RANBP10: variants seen among roughly 807,000 people sequenced by gnomAD.
The protein encoded by RANBP10 is RAN binding protein 10, also known as ran-binding protein 10.
Under a neutral mutation model 72.8 loss-of-function variants are expected in RANBP10, and 24 were observed. That is an observed-to-expected ratio of 0.33 (90% CI 0.24 to 0.46). RANBP10 has a LOEUF of 0.46. RANBP10 is among the 20% of genes least tolerant of loss of function. The pLI, the probability that RANBP10 is intolerant of heterozygous loss-of-function variation, is 1.00. For synonymous variants in RANBP10, 310 were observed against 322.3 expected (o/e 0.96, Z 0.41); for missense variants, 679 against 817.5 (o/e 0.83, Z 2.07).
intron 2 of RANBP10, among the ~76,000 whole-genome samples, chr16:67,803,848 AAAAG>A (rs1327865426): frequency 1.3e-5 from 2 of 150,524 alleles, no homozygotes; most frequent in East Asian, 3.9e-4. Context: ...AAAAAAAAAA[AAAAG>A]AGAGAGAGAG....
At chr16:67,800,490 C>T (rs568634060) in intron 2 of RANBP10, among the ~76,000 whole-genome samples, 162 of 152,312 alleles carry the variant, frequency 1.1e-3, no homozygotes, top group South Asian at 1.9e-3. Context: ...CACTAAGAGC[C>T]AGGGACACCC....
At chr16:67,754,834 G>A (rs993712818) in intron 3 of RANBP10, among the ~76,000 whole-genome samples, 6 of 152,096 alleles carry the variant, frequency 3.9e-5, no homozygotes, top group African/African-American at 7.2e-5. Context: ...CTCAGACCTC[G>A]GACCCTGGTT....
chr16:67,791,461 C>T (rs1035076334), intron 2 of RANBP10, among the ~76,000 whole-genome samples: 3 of 152,158 alleles, frequency 2.0e-5, no homozygotes, highest in African/African-American at 7.2e-5. Context: ...TCCCTACACC[C>T]ACAGGGCTCT....
In RANBP10 at chr16:67,744,460, G is replaced by T. The variant is rs760050214; in HGVS notation, c.401-5C>A. On this transcript the variant is annotated splice_polypyrimidine_tract_variant and splice_region_variant and intron_variant, in intron 3 of 13. Transcript: ENST00000317506. ...CATAGGAATGTTTGTCCCAACCTGT[G>T]GGGGAAGAGAGCAGCAATAACTGAG... 1 of 1,610,798 alleles carries T rather than the reference G, an allele frequency of 6.2e-7. No individual in the cohort carries two copies. The highest frequency in any genetic ancestry group is 1.7e-5 in the Admixed American group (1 of 59,692).
chr16:67,803,061 T>C (rs1366018351), intron 2 of RANBP10, among the ~76,000 whole-genome samples: 2 of 152,184 alleles, frequency 1.3e-5, no homozygotes, highest in African/African-American at 4.8e-5. Context: ...AGCACCACCA[T>C]TTTAGTCAAC....
intron 3 of RANBP10, among the ~76,000 whole-genome samples, chr16:67,761,202 A>G (rs576006598): frequency 6.6e-6 from 1 of 152,370 alleles, no homozygotes; most frequent in African/African-American, 2.4e-5. Flanking sequence ...CTTCCAGCAG[A>G]AACCTCTGAC....
chr16:67,746,023 G>A (rs1421850972), intron 3 of RANBP10, among the ~76,000 whole-genome samples: 1 of 152,032 alleles, frequency 6.6e-6, no homozygotes, highest in Non-Finnish European at 1.5e-5. Flanking sequence ...GGGCATGGTG[G>A]TGCATGCCTA....
chr16:67,737,471 G>C (rs2053876227), intron 5 of RANBP10, among the ~76,000 whole-genome samples: 1 of 151,468 alleles, frequency 6.6e-6, no homozygotes, highest in Non-Finnish European at 1.5e-5. Flanking sequence ...CAAAGTGCTG[G>C]GATTACAGGT....
At chr16:67,738,166 T>G in intron 4 of RANBP10, 131 bp from the exon 5 acceptor site, 1 of 1,041,702 alleles carries the variant, frequency 9.6e-7, no homozygotes. Flanking sequence ...TGAGACAGAG[T>G]CTCCCTCCGT....
chr16:67,763,173 A>C lies in RANBP10; in HGVS notation c.400+8861T>G, dbSNP rs553124396. Among the ~76,000 whole-genome samples, 4 of 152,274 alleles carry C rather than the reference A, an allele frequency of 2.6e-5. No homozygotes were observed. In the South Asian group the frequency reaches 8.3e-4, roughly 32 times the overall value. On this transcript the variant is annotated intron_variant, in intron 3 of 13. Coordinates refer to ENST00000317506, the MANE Select transcript of RANBP10 (RefSeq NM_020850.3). ...GAGGAGTCAGAGGCCCAAAGCAGGG[A>C]AGGGGCACAGTGCATACAGAGAGGA...
chr16:67,790,381 G>A (rs2055001826), intron 2 of RANBP10, among the ~76,000 whole-genome samples: 1 of 151,748 alleles, frequency 6.6e-6, no homozygotes, highest in Non-Finnish European at 1.5e-5. Flanking sequence ...ACAGTGATAT[G>A]GTGATGGTTG....
In RANBP10 at chr16:67,734,929, G is replaced by A. The variant is rs963638394; in HGVS notation, c.705C>T (p.Ala235=). The change falls in exon 6 of 14, where the codon GCC becomes GCT. Residue 235 remains alanine, a synonymous_variant. Coordinates refer to ENST00000317506, the MANE Select transcript of RANBP10 (RefSeq NM_020850.3). ...AGCAGTGGACCGTGCCCTGGACCTT[G>A]GCACGCCACTCCCGCATGTAGTCCT... ...DIEDYMREWR[A]KVQGTVHCFP... 6.2e-7 allele frequency: 1 copy of A among 1,613,888 alleles called. No homozygotes were observed. Among genetic ancestry groups the A allele is most frequent in the African/African-American group, 1.3e-5 (1 of 74,934 alleles).
rs764357346 is a variant in RANBP10, at chr16:67,784,947, C to T, written c.348-12861G>A. Among the ~76,000 whole-genome samples the T allele has an allele frequency of 3.3e-5, 5 of 151,500 alleles. No homozygotes were observed. In the East Asian group the frequency reaches 7.7e-4, roughly 23 times the overall value. On this transcript the variant is annotated intron_variant, in intron 2 of 13. Coordinates refer to ENST00000317506, the MANE Select transcript of RANBP10 (RefSeq NM_020850.3). Reference sequence around the variant, plus strand: ...AAAATAGGCTGGGTGCGGTGGCTCACGCCTGTAATCCCAGCACTTTGGGAG... The same window carrying T: ...AAAATAGGCTGGGTGCGGTGGCTCATGCCTGTAATCCCAGCACTTTGGGAG...
At chr16:67,756,461 C>A (rs2054287095) in intron 3 of RANBP10, among the ~76,000 whole-genome samples, 1 of 152,328 alleles carries the variant, frequency 6.6e-6, no homozygotes, top group East Asian at 1.9e-4. Context: ...GTGACTCACG[C>A]CTGTAATCCC....
At chr16:67,733,516 C>T (rs2053776628) in intron 6 of RANBP10, among the ~76,000 whole-genome samples, 2 of 152,240 alleles carry the variant, frequency 1.3e-5, no homozygotes, top group Non-Finnish European at 1.5e-5. Context: ...AGGAAGCCAG[C>T]CAAAAGGCTT....
chr16:67,768,640 T>C (rs533370803), intron 3 of RANBP10, among the ~76,000 whole-genome samples: 1 of 152,162 alleles, frequency 6.6e-6, no homozygotes, highest in South Asian at 2.1e-4. Flanking sequence ...CGCTTCAGCC[T>C]GCAAGGTTGA....
At chr16:67,731,311 C>A in intron 7 of RANBP10, 161 bp downstream of exon 7, 1 of 601,666 alleles carries the variant, frequency 1.7e-6, no homozygotes, top group Admixed American at 2.7e-5. Context: ...CTGGGCAGTG[C>A]CATCTTGAAG....
At chr16:67,769,617 G>C (rs1456517156) in intron 3 of RANBP10, among the ~76,000 whole-genome samples, 4 of 150,650 alleles carry the variant, frequency 2.7e-5, no homozygotes, top group African/African-American at 9.7e-5. Flanking sequence ...GTGGTGGCAG[G>C]CACCTGTAAT....
chr16:67,727,238 G>A (rs1326547927), intron 13 of RANBP10, 89 bp downstream of exon 13: 2 of 1,274,828 alleles, frequency 1.6e-6, no homozygotes, highest in Non-Finnish European at 2.2e-6. Context: ...GGTGGAGATT[G>A]CTGTGAGCCA....
Sources: allele counts gnomAD v4.1 joint callset (sites outside exome capture counted in the v4.1 genomes callset), GRCh38; gene constraint gnomAD v4.1.1; transcripts MANE v1.5; gene names NCBI Gene and HGNC (gene_info 2026-07-23, HGNC 2026-07-21).